Variants in UNC13C observed in about 807,000 individuals in gnomAD.
UNC13C encodes unc-13 homolog C.
A neutral mutation model predicts 245.4 loss-of-function variants in UNC13C; 174 were observed. The observed-to-expected ratio is 0.71, with a 90% CI of 0.63 to 0.80. UNC13C has a LOEUF of 0.80. UNC13C is among the 30% of genes least tolerant of loss of function. The pLI is 0.00. For synonymous variants in UNC13C, 992 were observed against 895.1 expected, an observed-to-expected ratio of 1.11 and a Z score of -1.93; for missense variants, 2,829 against 2,602.9, an observed-to-expected ratio of 1.09 and a Z score of -1.89.
Position 54,153,858 on chromosome 15 carries a change from CA to C in UNC13C, c.3071+10175del, listed in dbSNP as rs1650014315. Among the ~76,000 whole-genome samples, 9 of 151,972 alleles carry C rather than the reference CA, an allele frequency of 5.9e-5. No individual in the cohort carries two copies. The South Asian group carries it at 1.9e-3, about 32-fold the overall frequency. On this transcript the variant is annotated intron_variant, in intron 4 of 32. Coordinates refer to ENST00000260323, the MANE Select transcript of UNC13C (RefSeq NM_001080534.3). ...GATAATTCATGATTGATATTGTACT[CA>C]GGGGTGGCTCTTATTGAAATGCCTC...
chr15:54,507,014 A>G, intron 22 of UNC13C, 103 bp from the exon 23 acceptor site: 1 of 674,092 alleles, frequency 1.5e-6, no homozygotes, highest in Non-Finnish European at 2.4e-6. Context: ...ATGTAGAACT[A>G]AGATGAAAAA....
At chr15:54,313,817 A>G (rs916773851) in intron 13 of UNC13C, among the ~76,000 whole-genome samples, 1 of 151,796 alleles carries the variant, frequency 6.6e-6, no homozygotes, top group African/African-American at 2.4e-5. Flanking sequence ...TGTCAAAGAT[A>G]TATCTGTAGT....
the UNC13C span, among the ~76,000 whole-genome samples, chr15:53,941,221 A>G: frequency 2.6e-5 from 4 of 152,170 alleles, no homozygotes; most frequent in Admixed American, 2.6e-4. Context: ...TATTTAATAA[A>G]TGGTGCTGGG....
At chr15:54,007,843 G>A (rs1895210546) in intron 1 of UNC13C, among the ~76,000 whole-genome samples, 1 of 152,138 alleles carries the variant, frequency 6.6e-6, no homozygotes. Flanking sequence ...AAGGGCCAGT[G>A]AGACAAGCGT....
chr15:53,993,199 G>T (rs1269041805), intron 1 of UNC13C, among the ~76,000 whole-genome samples: 1 of 152,052 alleles, frequency 6.6e-6, no homozygotes, highest in Admixed American at 6.6e-5. Flanking sequence ...ACTTCTTTTG[G>T]ATTAGGTAGA....
chr15:54,064,124 A>G (rs1437690806), intron 2 of UNC13C, among the ~76,000 whole-genome samples: 3 of 150,720 alleles, frequency 2.0e-5, no homozygotes, highest in African/African-American at 7.3e-5. Context: ...TTTTGTGTCT[A>G]GCTTTTGGTT....
intron 1 of UNC13C, among the ~76,000 whole-genome samples, chr15:53,990,109 G>A (rs915204905): frequency 2.0e-5 from 3 of 151,940 alleles, no homozygotes; most frequent in African/African-American, 4.8e-5. Flanking sequence ...GCTGAATCTT[G>A]GATAGGCTTG....
chr15:54,429,978 A>C (rs2040839965), intron 19 of UNC13C, among the ~76,000 whole-genome samples: 1 of 151,664 alleles, frequency 6.6e-6, no homozygotes, highest in Admixed American at 6.6e-5. Flanking sequence ...TGTAACTAAA[A>C]CACTTTATTT....
chr15:54,379,147 T>C (rs1471808597), intron 17 of UNC13C, among the ~76,000 whole-genome samples: 1 of 152,088 alleles, frequency 6.6e-6, no homozygotes, highest in African/African-American at 2.4e-5. Flanking sequence ...ATAGCAACAG[T>C]CTTATTATGT....
At chr15:54,431,319 T>G (rs1371109253) in intron 19 of UNC13C, among the ~76,000 whole-genome samples, 1 of 151,680 alleles carries the variant, frequency 6.6e-6, no homozygotes, top group African/African-American at 2.4e-5. Context: ...TCACAAGCTT[T>G]TTTTTTCTGC....
At chr15:54,552,515 T>C (rs1896815049) in intron 28 of UNC13C, among the ~76,000 whole-genome samples, 1 of 21,530 alleles carries the variant, frequency 4.6e-5, no homozygotes, top group African/African-American at 2.9e-4. Flanking sequence ...TTATATATTA[T>C]ATATTATATA....
the UNC13C span, among the ~76,000 whole-genome samples, chr15:53,881,327 GT>G: frequency 2.0e-5 from 3 of 152,182 alleles, no homozygotes; most frequent in African/African-American, 7.2e-5. Context: ...GTCCAAGCAT[GT>G]GGAATGCTTC....
chr15:54,114,461 G>A (rs75908438), intron 2 of UNC13C, among the ~76,000 whole-genome samples: 4,360 of 152,094 alleles, frequency 0.029, 207 homozygotes, highest in African/African-American at 0.1. Context: ...TGCTATACCG[G>A]TTGATCTACA....
At chr15:53,933,507 G>T in the UNC13C span, among the ~76,000 whole-genome samples, 1,897 of 152,204 alleles carry the variant, frequency 0.012, 20 homozygotes, top group Non-Finnish European at 0.022. Context: ...CAGCACTGGG[G>T]GTGGATACAC....
chr15:54,238,849 A>T (rs1344522696), intron 7 of UNC13C, among the ~76,000 whole-genome samples: 2 of 152,192 alleles, frequency 1.3e-5, no homozygotes, highest in African/African-American at 4.8e-5. Context: ...TAGGTCAGGG[A>T]TTCTTAAATC....
chr15:53,991,414 A>C (rs1894381733), intron 1 of UNC13C, among the ~76,000 whole-genome samples: 1 of 152,074 alleles, frequency 6.6e-6, no homozygotes, highest in Non-Finnish European at 1.5e-5. Context: ...TTTCTAGAGC[A>C]GAAAAAGTCC....
chr15:54,206,712 A>C (rs1344712285), intron 4 of UNC13C, among the ~76,000 whole-genome samples: 1 of 152,116 alleles, frequency 6.6e-6, no homozygotes, highest in Non-Finnish European at 1.5e-5. Context: ...CAGCAAGTAC[A>C]TTGTGAAAAT....
the UNC13C span, among the ~76,000 whole-genome samples, chr15:53,969,812 T>C: frequency 1.3e-5 from 2 of 152,164 alleles, no homozygotes; most frequent in African/African-American, 4.8e-5. Flanking sequence ...GACAGATCTC[T>C]AGAACTTTTT....
upstream of UNC13C, among the ~76,000 whole-genome samples, chr15:53,976,422 C>T (rs1049086306): frequency 6.1e-5 from 9 of 147,206 alleles, no homozygotes; most frequent in East Asian, 1.8e-3. Flanking sequence ...TCAAACTTTT[C>T]ATGGCACTAC....
Sources: allele counts gnomAD v4.1 joint callset (sites outside exome capture counted in the v4.1 genomes callset), GRCh38; gene constraint gnomAD v4.1.1; transcripts MANE v1.5; gene names NCBI Gene and HGNC (gene_info 2026-07-23, HGNC 2026-07-21).